The following VWA8 variants were observed in gnomAD, a reference collection of about 807,000 sequenced individuals.
VWA8 encodes the protein von Willebrand factor A domain containing 8, also known as von Willebrand factor A domain-containing protein 8.
Under a neutral mutation model 241.5 loss-of-function variants are expected in VWA8, and 221 were observed. The observed-to-expected ratio is 0.91, with a 90% confidence interval of 0.82 to 1.02. VWA8 has a LOEUF of 1.02. Ranked by LOEUF, VWA8 falls within the 50% of genes least tolerant of loss-of-function variation. The pLI, the probability that VWA8 is intolerant of heterozygous loss-of-function variation, is 0.00. For synonymous variants in VWA8, 852 were observed against 827.1 expected, an observed-to-expected ratio of 1.03 and a Z score of -0.52; for missense variants, 2,322 against 2,328.7, an observed-to-expected ratio of 1.00 and a Z score of 0.06.
intron 14 of VWA8, among the ~76,000 whole-genome samples, chr13:41,821,005 G>C (rs4643203): frequency 0.013 from 2,004 of 152,282 alleles, 24 homozygotes; most frequent in Middle Eastern, 0.051. Flanking sequence ...TTAAGATAGT[G>C]AAGGATACCA....
chr13:41,903,694 A>G (rs561542966), intron 4 of VWA8, among the ~76,000 whole-genome samples: 39 of 152,294 alleles, frequency 2.6e-4, no homozygotes, highest in African/African-American at 9.1e-4. Flanking sequence ...GTAAAAGGAA[A>G]GGTGGTAGAC....
chr13:41,871,525 C>G (rs957525675), intron 9 of VWA8, among the ~76,000 whole-genome samples: 1 of 151,996 alleles, frequency 6.6e-6, no homozygotes, highest in African/African-American at 2.4e-5. Flanking sequence ...CTCATTGTTC[C>G]ATTCCCACCT....
intron 14 of VWA8, among the ~76,000 whole-genome samples, chr13:41,819,758 C>T (rs546842069): frequency 9.8e-5 from 15 of 152,294 alleles, no homozygotes; most frequent in African/African-American, 3.6e-4. Context: ...TAAAACCCCT[C>T]AGAATCTCCT....
rs929156131 is a variant in VWA8 at position 41,926,051 on chromosome 13, C to G, written c.242-13883G>C. The G allele has an allele frequency of 3.0e-4, 135 of 448,806 alleles. 6 individuals are homozygous for G. The Admixed American group carries it at 4.0e-3, about 13-fold the overall frequency. The allele number at this position is 448,806 out of a possible 1,614,324, so 27.8% of individuals were successfully genotyped here. On this transcript the variant is annotated intron_variant, in intron 2 of 44. Coordinates refer to ENST00000379310, the MANE Select transcript of VWA8 (RefSeq NM_015058.2). ...TCTATGACCTTCAAGGAGAGGGGGTCAAGTTGCAAGTCATGGTGAATCCCA... is the reference window on the plus strand; with the variant it reads ...TCTATGACCTTCAAGGAGAGGGGGTGAAGTTGCAAGTCATGGTGAATCCCA...
chr13:41,754,398 G>A lies in VWA8; in HGVS notation c.2426+6730C>T, dbSNP rs112839239. Among the ~76,000 whole-genome samples the A allele has an allele frequency of 9.1e-3, 1,384 of 152,270 alleles. 8 individuals carry two copies. The highest frequency in any genetic ancestry group is 0.014 in the Non-Finnish European group (973 of 68,010). On this transcript the variant is annotated intron_variant, in intron 21 of 44. Transcript: ENST00000379310. ...GAGGCCTCTCCAGCCACATGGAACT[G>A]TAAGTCCAATAAACCTGTAAATTGC...
At chr13:41,658,644 C>G (rs2044926317) in intron 37 of VWA8, among the ~76,000 whole-genome samples, 1 of 152,230 alleles carries the variant, frequency 6.6e-6, no homozygotes, top group South Asian at 2.1e-4. Context: ...GTCAGCCAGT[C>G]TCCAACAACT....
chr13:41,777,886 TA>T (rs1287720866), intron 20 of VWA8, 98 bp downstream of exon 20: 1 of 1,033,862 alleles, frequency 9.7e-7, no homozygotes, highest in Non-Finnish European at 1.4e-6. Flanking sequence ...AGTCATTTAA[TA>T]GGGGAAAAAA....
At chr13:41,920,373 A>T (rs1566039496) in intron 2 of VWA8, among the ~76,000 whole-genome samples, 1 of 152,198 alleles carries the variant, frequency 6.6e-6, no homozygotes, top group Non-Finnish European at 1.5e-5. Context: ...GCTGTTAGAA[A>T]GTGCTTCAGA....
intron 7 of VWA8, among the ~76,000 whole-genome samples, chr13:41,886,504 C>T (rs1874545632): frequency 6.6e-6 from 1 of 152,142 alleles, no homozygotes. Flanking sequence ...TTTTATGAAG[C>T]CCTTATAAAG....
chr13:41,813,834 A>G (rs1870573664), intron 16 of VWA8, among the ~76,000 whole-genome samples: 1 of 152,050 alleles, frequency 6.6e-6, no homozygotes, highest in Non-Finnish European at 1.5e-5. Flanking sequence ...AAAAATTCCT[A>G]ATGTATTTAA....
At chr13:41,768,449 A>C (rs1354176546) in intron 20 of VWA8, among the ~76,000 whole-genome samples, 1 of 152,190 alleles carries the variant, frequency 6.6e-6, no homozygotes, top group African/African-American at 2.4e-5. Flanking sequence ...ATCTCTAATC[A>C]CATTAAGTTT....
At position 41,652,496 on chromosome 13, in the gene VWA8, AAAG is replaced by A. The variant is rs565934387; in HGVS notation, c.4611+18447_4611+18449del. The stretch of plus-strand genomic sequence containing the variant: ...CTAGCACATACTCAGCAGTTAATTA[AAAG>A]AAGAATCACTACAATGGAGAAGTTC... On this transcript the variant is annotated intron_variant, in intron 37 of 44. Coordinates refer to ENST00000379310, the MANE Select transcript of VWA8 (RefSeq NM_015058.2). Among the ~76,000 whole-genome samples the A allele has an allele frequency of 1.2e-3, 176 of 152,344 alleles. 1 individual carries two copies. The highest frequency in any genetic ancestry group is 4.1e-3 in the African/African-American group (171 of 41,576).
At chr13:41,960,655 A>T (rs1878567365) in intron 1 of VWA8, among the ~76,000 whole-genome samples, 198 bp downstream of exon 1, 1 of 152,214 alleles carries the variant, frequency 6.6e-6, no homozygotes, top group South Asian at 2.1e-4. Flanking sequence ...TCAGGCACAG[A>T]GAGGGCGAGC....
Position 41,811,266 on chromosome 13 carries a change from A to G in VWA8, c.2022T>C (p.Asn674=). 1.9e-6 allele frequency: 3 copies of G among 1,610,896 alleles called. No individual in the cohort carries two copies. The highest frequency in any genetic ancestry group is 1.7e-6 in the Non-Finnish European group (2 of 1,177,564). The change falls in exon 17 of 45, where the codon AAT becomes AAC. Residue 674 remains asparagine, a synonymous_variant. Transcript: ENST00000379310. ...RISRRLSQYP[N]ENLHSAVTKA... ...TAGTAACAGCACTGTGAAGATTTTC[A>G]TTAGGATACTGTGACAGCCGACGAG...
chr13:41,929,665 T>C (rs927756764), intron 2 of VWA8, among the ~76,000 whole-genome samples: 1 of 152,168 alleles, frequency 6.6e-6, no homozygotes, highest in South Asian at 2.1e-4. Flanking sequence ...GGGGAAAGGA[T>C]AGTCTCTTCA....
intron 4 of VWA8, chr13:41,905,085 A>G (rs1408252920): frequency 6.6e-6 from 1 of 152,174 alleles, no homozygotes; most frequent in Admixed American, 6.5e-5. Context: ...AGATAGAAAT[A>G]TAAATTCAAA....
chr13:41,841,784 CAAAAAAAAAAAAAAAAAAAA>C (rs1166227706), intron 12 of VWA8, among the ~76,000 whole-genome samples: 3 of 33,394 alleles, frequency 9.0e-5, no homozygotes, highest in African/African-American at 5.4e-4. Flanking sequence ...GACTCTGTCT[CAAAAAAAAAAAAAAAAAAAA>C]AAAAAAAAAA....
At chr13:41,668,843 G>C (rs2045003822) in intron 37 of VWA8, among the ~76,000 whole-genome samples, 1 of 152,078 alleles carries the variant, frequency 6.6e-6, no homozygotes, top group African/African-American at 2.4e-5. Flanking sequence ...ATGGATCAAG[G>C]GAACTTAGGG....
chr13:41,805,879 G>A (rs1052495669), intron 17 of VWA8, among the ~76,000 whole-genome samples: 6 of 151,866 alleles, frequency 4.0e-5, no homozygotes, highest in Admixed American at 3.3e-4. Context: ...AAACTGACCT[G>A]CCGGTATTTA....
Sources: gnomAD v4.1 joint callset for allele counts (sites outside exome capture counted in the v4.1 genomes callset) on GRCh38, gnomAD v4.1.1 for gene constraint, MANE v1.5 for transcripts, NCBI Gene and HGNC (gene_info 2026-07-23, HGNC 2026-07-21) for gene names.